The following HOXD1 variants were observed in gnomAD, a reference collection of about 807,000 sequenced individuals.
The protein encoded by HOXD1 is homeobox D1.
A neutral mutation model predicts 19.9 loss-of-function variants in HOXD1; 17 were observed. The ratio of observed to expected loss-of-function variants is 0.85; its 90% CI spans 0.58 to 1.28. The LOEUF (loss-of-function observed/expected upper bound fraction) is 1.28. HOXD1 is among the 50% of genes most tolerant of loss of function. The pLI is 0.00. For missense variants in HOXD1, 500 were observed against 460.1 expected, an observed-to-expected ratio of 1.09 and a Z score of -0.79; for synonymous variants, 239 against 216.0, an observed-to-expected ratio of 1.11 and a Z score of -0.93.
At position 176,189,237 on chromosome 2, in the gene HOXD1, TTCC is replaced by T. The variant is rs1691738547; in HGVS notation, c.442_444del (p.Leu148del). The stretch of plus-strand genomic sequence containing the variant: ...GGCCGTCTTCTCGGGCGGCGGCTCT[TTCC>T]TCCTCAGCGGCCAGGTGGATTACGC... On this transcript the variant is annotated inframe_deletion, in exon 1 of 2. Transcript: ENST00000331462. 6.3e-7 allele frequency: 1 copy of T among 1,595,370 alleles called. No homozygotes were observed. The highest frequency in any genetic ancestry group is 8.5e-7 in the Non-Finnish European group (1 of 1,172,010).
At position 176,190,196 on chromosome 2, in the gene HOXD1, C is replaced by T. The variant is rs1310088844; in HGVS notation, c.*54C>T. 49 of 1,231,992 alleles carry T rather than the reference C, an allele frequency of 4.0e-5. No homozygotes were observed. The highest frequency in any genetic ancestry group is 5.4e-5 in the Non-Finnish European group (47 of 869,584). The allele number at this position is 1,231,992 out of a possible 1,614,324, so 76.3% of individuals were successfully genotyped here. ...GCCTGCAGAAGTCCCAGGCGACCCC[C>T]ATCCCTATCTAGACTTAGGAGCTCA... On this transcript the variant is annotated 3_prime_UTR_variant, in exon 2 of 2. Transcript: ENST00000331462.
In HOXD1 at chr2:176,188,828, A is replaced by ATGC; in HGVS notation, c.28_30dup (p.Cys10dup). The ATGC allele has an allele frequency of 6.2e-7, 1 of 1,608,884 alleles. No individual in the cohort carries two copies. Among genetic ancestry groups the ATGC allele is most frequent in the South Asian group, 1.1e-5 (1 of 90,680 alleles). On this transcript the variant is annotated inframe_insertion, in exon 1 of 2. Transcript: ENST00000331462. The stretch of plus-strand genomic sequence containing the variant: ...TGAGCTCCTACCTGGAGTACGTGTC[A>ATGC]TGCAGCAGCAGCGGCGGGGTCGGCG...
In HOXD1 at chr2:176,189,965, C is replaced by T. The variant is rs1272736265; in HGVS notation, c.810C>T (p.Asp270=). 1.2e-6 allele frequency: 2 copies of T among 1,614,104 alleles called. No homozygotes were observed. The highest frequency in any genetic ancestry group is 1.7e-6 in the Non-Finnish European group (2 of 1,180,008). The change falls in exon 2 of 2, where the codon GAC becomes GAT. Residue 270 remains aspartate (D), a synonymous_variant. Coordinates refer to ENST00000331462, the MANE Select transcript of HOXD1 (RefSeq NM_024501.3). The stretch of plus-strand genomic sequence containing the variant: ...TAGCCAACTGCTTGCACCTGAATGA[C>T]ACGCAAGTCAAAATCTGGTTCCAGA... The part of the protein sequence containing the change: ...IEIANCLHLN[D]TQVKIWFQNR...
Position 176,189,004 on chromosome 2 carries a change from C to G in HOXD1, c.203C>G (p.Ala68Gly). 1 of 1,422,118 alleles carries G rather than the reference C, an allele frequency of 7.0e-7. No homozygotes were observed. The highest frequency in any genetic ancestry group is 9.1e-7 in the Non-Finnish European group (1 of 1,101,820). The allele number at this position is 1,422,118 out of a possible 1,614,324, so 88.1% of individuals were successfully genotyped here. The change falls in exon 1 of 2, where the codon GCC (alanine) becomes GGC (glycine). Residue 68 changes from alanine (A) to glycine (G), a missense_variant. Ala to Gly is a moderately conservative substitution (Grantham distance 60). Coordinates refer to ENST00000331462, the MANE Select transcript of HOXD1 (RefSeq NM_024501.3). ...CGACCCTCGCCTTCGCCCCCGGCCGCCCCCGCGCGGCCGTCCGTACCGCCT... is the reference window on the plus strand; with the variant it reads ...CGACCCTCGCCTTCGCCCCCGGCCGGCCCCGCGCGGCCGTCCGTACCGCCT... The part of the protein sequence containing the change: ...AARPSPSPPA[A>G]PARPSVPPPA...
Position 176,188,707 on chromosome 2 carries a change from G to T in HOXD1, c.-95G>T, listed in dbSNP as rs1276152576. The T allele has an allele frequency of 7.6e-7, 1 of 1,313,502 alleles. No homozygotes were observed. 81.4% of individuals were successfully genotyped at this position (1,313,502 alleles called of 1,614,324 possible). ...AGGGCAGCTCGGGTAGAGAGGGCTG[G>T]CGGAGCGGCGCAGACGGCGGCAGTC... On this transcript the variant is annotated 5_prime_UTR_variant, in exon 1 of 2. Transcript: ENST00000331462.
Position 176,189,947 on chromosome 2 carries a change from C to G in HOXD1, c.792C>G (p.Asn264Lys). The G allele has an allele frequency of 6.2e-7, 1 of 1,614,196 alleles. No homozygotes were observed. Among genetic ancestry groups the G allele is most frequent in the Non-Finnish European group, 8.5e-7 (1 of 1,180,036 alleles). The stretch of plus-strand genomic sequence containing the variant: ...GAGCCCGGCGCATCGAGATAGCCAA[C>G]TGCTTGCACCTGAATGACACGCAAG... ...LTRARRIEIA[N>K]CLHLNDTQVK... Residue 264 changes from asparagine to lysine, a missense_variant, in exon 2 of 2, where the codon AAC becomes AAG. Asn to Lys is a moderately conservative substitution (Grantham distance 94). Coordinates refer to ENST00000331462, the MANE Select transcript of HOXD1 (RefSeq NM_024501.3).
chr2:176,190,193 C>T lies in HOXD1; in HGVS notation c.*51C>T. ...GTGGCCTGCAGAAGTCCCAGGCGAC[C>T]CCCATCCCTATCTAGACTTAGGAGC... On this transcript the variant is annotated 3_prime_UTR_variant, in exon 2 of 2. Transcript: ENST00000331462. 1 of 1,267,338 alleles carries T rather than the reference C, an allele frequency of 7.9e-7. No individual in the cohort carries two copies. Among genetic ancestry groups the T allele is most frequent in the South Asian group, 1.4e-5 (1 of 70,938 alleles). The allele number at this position is 1,267,338 out of a possible 1,614,324, so 78.5% of individuals were successfully genotyped here.
rs1204624349 is a variant in HOXD1, at chr2:176,188,827, C to T, written c.26C>T (p.Ser9Leu). ...ATGAGCTCCTACCTGGAGTACGTGT[C>T]ATGCAGCAGCAGCGGCGGGGTCGGC... The part of the protein sequence containing the change: MSSYLEYV[S>L]CSSSGGVGGD... The change falls in exon 1 of 2, where the codon TCA becomes TTA. Residue 9 changes from serine (S) to leucine (L), a missense_variant. By Grantham distance (145) the Ser-to-Leu change is moderately radical (BLOSUM62 -2). Transcript: ENST00000331462. 13 of 1,608,922 alleles carry T rather than the reference C, an allele frequency of 8.1e-6. No homozygotes were observed. The highest frequency in any genetic ancestry group is 1.1e-5 in the Non-Finnish European group (13 of 1,178,294).
rs765072162 is a variant in HOXD1, at chr2:176,189,828, G to A, written c.673G>A (p.Ala225Thr). 44 of 1,613,986 alleles carry A rather than the reference G, an allele frequency of 2.7e-5. No individual in the cohort carries two copies. The highest frequency in any genetic ancestry group is 3.6e-5 in the Non-Finnish European group (42 of 1,179,910). ...TGCAGGCAAACTCGCCGAGTATGGGGCCGCTAGCCCCTCCAGCGCGATCCG... is the reference window on the plus strand; with the variant it reads ...TGCAGGCAAACTCGCCGAGTATGGGACCGCTAGCCCCTCCAGCGCGATCCG... ...SKKGKLAEYG[A>T]ASPSSAIRTN... Residue 225 changes from alanine (A) to threonine (T), a missense_variant, in exon 2 of 2, where the codon GCC (alanine) becomes ACC (threonine). Physicochemically the swap from Ala to Thr is moderately conservative, Grantham distance 58. Transcript: ENST00000331462.
In HOXD1 at chr2:176,188,775, C is replaced by G. The variant is rs771395034; in HGVS notation, c.-27C>G. The G allele has an allele frequency of 6.2e-7, 1 of 1,601,412 alleles. No individual in the cohort carries two copies. The highest frequency in any genetic ancestry group is 8.5e-7 in the Non-Finnish European group (1 of 1,174,834). ...GGCTCCGTACTCCGGCCCCGGCCTG[C>G]GCCCTCAGAAAGGTGGGGCCCGAAC... On this transcript the variant is annotated 5_prime_UTR_variant, in exon 1 of 2. Coordinates refer to ENST00000331462, the MANE Select transcript of HOXD1 (RefSeq NM_024501.3).
chr2:176,189,508 C>T lies in HOXD1; in HGVS notation c.652+55C>T, dbSNP rs550724624. The T allele has an allele frequency of 3.1e-6, 5 of 1,612,026 alleles. No homozygotes were observed. In the South Asian group the frequency reaches 3.3e-5, roughly 11 times the overall value. ...CTGGGGTTGGGGACGGAGCCTCCCCCGCGGAAATGCGCTGGGAGCGTGGTG... is the reference window on the plus strand; with the variant it reads ...CTGGGGTTGGGGACGGAGCCTCCCCTGCGGAAATGCGCTGGGAGCGTGGTG... On this transcript the variant is annotated intron_variant, in intron 1 of 1. Coordinates refer to ENST00000331462, the MANE Select transcript of HOXD1 (RefSeq NM_024501.3).
chr2:176,188,932 G>T lies in HOXD1; in HGVS notation c.131G>T (p.Gly44Val). Residue 44 changes from glycine to valine, a missense_variant, in exon 1 of 2, where the codon GGC becomes GTC. Coordinates refer to ENST00000331462, the MANE Select transcript of HOXD1 (RefSeq NM_024501.3). ...GCTCTGCAGCCCGCCTTCCCTCTGG[G>T]CAACGGCGACGGCGCCTTCGTCAGC... ...PVALQPAFPL[G>V]NGDGAFVSCL... 6.4e-7 allele frequency: 1 copy of T among 1,568,146 alleles called. No individual in the cohort carries two copies.
Position 176,188,841 on chromosome 2 carries a change from G to A in HOXD1, c.40G>A (p.Gly14Ser), listed in dbSNP as rs144268439. The A allele has an allele frequency of 6.2e-7, 1 of 1,606,242 alleles. No homozygotes were observed. Among genetic ancestry groups the A allele is most frequent in the Non-Finnish European group, 8.5e-7 (1 of 1,177,670 alleles). The part of the protein sequence containing the change: ...YLEYVSCSSS[G>S]GVGGDVLSLA... The stretch of plus-strand genomic sequence containing the variant: ...GGAGTACGTGTCATGCAGCAGCAGC[G>A]GCGGGGTCGGCGGCGACGTGCTCAG... Residue 14 changes from glycine to serine, a missense_variant, in exon 1 of 2, where the codon GGC becomes AGC. By Grantham distance (56) the Gly-to-Ser change is moderately conservative. Transcript: ENST00000331462.
chr2:176,190,337 T>C lies in HOXD1; in HGVS notation c.*195T>C, dbSNP rs960212621. 1.6e-5 allele frequency: 9 copies of C among 557,376 alleles called. No homozygotes were observed. The highest frequency in any genetic ancestry group is 2.8e-5 in the Non-Finnish European group (9 of 316,776). The allele number at this position is 557,376 out of a possible 1,614,324, so 34.5% of individuals were successfully genotyped here. On this transcript the variant is annotated 3_prime_UTR_variant, in exon 2 of 2. Transcript: ENST00000331462. ...GTCCAGATATTAATTGACTGTCTTG[T>C]AAGCCACTTGTTTGGTTATGATTTG...
Position 176,189,986 on chromosome 2 carries a change from C to G in HOXD1, c.831C>G (p.Phe277Leu). The G allele has an allele frequency of 1.2e-6, 2 of 1,614,134 alleles. No individual in the cohort carries two copies. The highest frequency in any genetic ancestry group is 1.7e-6 in the Non-Finnish European group (2 of 1,180,020). ...HLNDTQVKIW[F>L]QNRRMKQKKR... Reference sequence around the variant, plus strand: ...ATGACACGCAAGTCAAAATCTGGTTCCAGAACCGCAGGATGAAACAGAAGA... The same window carrying G: ...ATGACACGCAAGTCAAAATCTGGTTGCAGAACCGCAGGATGAAACAGAAGA... Residue 277 changes from phenylalanine (F) to leucine (L), a missense_variant, in exon 2 of 2, where the codon TTC becomes TTG. Transcript: ENST00000331462.
rs1315115824 is a variant in HOXD1, at chr2:176,188,800, C to G, written c.-2C>G. 2 of 1,607,892 alleles carry G rather than the reference C, an allele frequency of 1.2e-6. No individual in the cohort carries two copies. Among genetic ancestry groups the G allele is most frequent in the African/African-American group, 2.7e-5 (2 of 74,574 alleles). ...CGCCCTCAGAAAGGTGGGGCCCGAA[C>G]CATGAGCTCCTACCTGGAGTACGTG... On this transcript the variant is annotated 5_prime_UTR_variant, in exon 1 of 2. Transcript: ENST00000331462.
Position 176,189,090 on chromosome 2 carries a change from C to T in HOXD1, c.289C>T (p.Pro97Ser). The change falls in exon 1 of 2, where the codon CCT becomes TCT. Residue 97 changes from proline to serine, a missense_variant. By Grantham distance (74) the Pro-to-Ser change is moderately conservative. Transcript: ENST00000331462. Reference sequence around the variant, plus strand: ...GGGGGCCTACGAACCTGGTGCCGCACCTGCCGCGGCAGCTGGGGGCGCGGA... The same window carrying T: ...GGGGGCCTACGAACCTGGTGCCGCATCTGCCGCGGCAGCTGGGGGCGCGGA... ...LEGAYEPGAA[P>S]AAAAGGADYG... 1 of 1,509,726 alleles carries T rather than the reference C, an allele frequency of 6.6e-7. No individual in the cohort carries two copies. 93.5% of individuals were successfully genotyped at this position (1,509,726 alleles called of 1,614,324 possible). A position where few individuals can be genotyped will look rare whatever the true frequency, so the allele number is the denominator to read the frequency against.
rs936578187 is a variant in HOXD1 at position 176,190,076 on chromosome 2, T to C, written c.921T>C (p.Ser307=). The stretch of plus-strand genomic sequence containing the variant: ...TGGCTCCCCTCCAACTTCCCCTCTC[T>C]GGAACAACCCCCACTAAGTTTATCA... ...IPVAPLQLPL[S]GTTPTKFIKN... The change falls in exon 2 of 2, where the codon TCT becomes TCC. Residue 307 remains serine, a synonymous_variant. Transcript: ENST00000331462. 6.2e-6 allele frequency: 10 copies of C among 1,613,918 alleles called. No homozygotes were observed. The African/African-American group carries it at 1.2e-4, about 19-fold the overall frequency.
intron 1 of HOXD1, 152 bp from the exon 2 acceptor site, chr2:176,189,656 A>G (rs1268322546): frequency 3.2e-6 from 5 of 1,578,584 alleles, no homozygotes; most frequent in Non-Finnish European, 4.3e-6. Flanking sequence ...AATTTCAGGA[A>G]GGAGCTCTCC....
Sources: gnomAD v4.1 joint callset for allele counts on GRCh38, gnomAD v4.1.1 for gene constraint, MANE v1.5 for transcripts, NCBI Gene and HGNC (gene_info 2026-07-23, HGNC 2026-07-21) for gene names.